Variants in CTNNA3 observed in about 807,000 individuals in gnomAD.
The protein encoded by CTNNA3 is catenin alpha-3.
CTNNA3 carries 76 observed loss-of-function variants against 95.7 expected under a neutral mutation model. The observed-to-expected ratio is 0.79, with a 90% confidence interval of 0.66 to 0.96. The LOEUF (loss-of-function observed/expected upper bound fraction) is 0.96, where lower values mean the gene tolerates loss of function less well. Ranked by LOEUF, CTNNA3 falls within the 40% of genes least tolerant of loss-of-function variation. CTNNA3 has a pLI of 0.00. For synonymous variants in CTNNA3, 431 were observed against 374.4 expected (o/e 1.15, Z -1.74); for missense variants, 1,191 against 1,089.8 (o/e 1.09, Z -1.31).
intron 7 of CTNNA3, chr10:66,928,372 A>T: frequency 6.2e-7 from 1 of 1,614,140 alleles, no homozygotes; most frequent in Non-Finnish European, 8.5e-7. Context: ...TTATAAACCC[A>T]CCAACACGGA....
At chr10:66,681,904 G>A (rs1164926638) in intron 9 of CTNNA3, among the ~76,000 whole-genome samples, 8 of 152,118 alleles carry the variant, frequency 5.3e-5, no homozygotes, top group Non-Finnish European at 1.0e-4. Flanking sequence ...ATTTATTGCT[G>A]GATGTTTGAT....
At chr10:66,181,163 T>A (rs1391859445) in intron 13 of CTNNA3, among the ~76,000 whole-genome samples, 4 of 152,218 alleles carry the variant, frequency 2.6e-5, no homozygotes, top group African/African-American at 9.6e-5. Flanking sequence ...GAGAAATTTA[T>A]ATTCATAAAC....
rs549612122 is a variant in CTNNA3, at chr10:66,798,324, T to C, written c.1048-22800A>G. Among the ~76,000 whole-genome samples, 6 of 151,952 alleles carry C rather than the reference T, an allele frequency of 3.9e-5. No homozygotes were observed. The South Asian group carries it at 6.2e-4, about 16-fold the overall frequency. On this transcript the variant is annotated intron_variant, in intron 7 of 17. Coordinates refer to ENST00000433211, the MANE Select transcript of CTNNA3 (RefSeq NM_013266.4). Reference sequence around the variant, plus strand: ...CTTGCAGTTAATATATTTAGAACTATTAACCTGTTTAGATTTATTAACTAT... The same window carrying C: ...CTTGCAGTTAATATATTTAGAACTACTAACCTGTTTAGATTTATTAACTAT...
In CTNNA3 at chr10:67,636,540, G is replaced by A. The variant is rs953725737; in HGVS notation, c.99+10875C>T. 5.9e-5 allele frequency among the ~76,000 whole-genome samples: 9 copies of A among 152,074 alleles called. 1 individual carries two copies. The highest frequency in any genetic ancestry group is 2.1e-4 in the South Asian group (1 of 4,818). ...ACAAACCTACAACCATCTGATCTTCGACAAACCTGACAAAAACAAGCAATG... is the reference window on the plus strand; with the variant it reads ...ACAAACCTACAACCATCTGATCTTCAACAAACCTGACAAAAACAAGCAATG... On this transcript the variant is annotated intron_variant, in intron 2 of 17. Transcript: ENST00000433211.
chr10:67,578,996 G>GAGAT (rs1842269423), intron 3 of CTNNA3, among the ~76,000 whole-genome samples: 2 of 87,358 alleles, frequency 2.3e-5, no homozygotes, highest in Non-Finnish European at 5.0e-5. Flanking sequence ...TGATCATAGT[G>GAGAT]ATATATATAT....
intron 5 of CTNNA3, among the ~76,000 whole-genome samples, chr10:67,224,540 G>T (rs1864804015): frequency 6.6e-6 from 1 of 152,194 alleles, no homozygotes; most frequent in African/African-American, 2.4e-5. Context: ...AATACTGTGA[G>T]TGCCCCAACT....
At chr10:66,093,622 A>G (rs1318693187) in intron 14 of CTNNA3, among the ~76,000 whole-genome samples, 2 of 152,128 alleles carry the variant, frequency 1.3e-5, no homozygotes, top group Non-Finnish European at 2.9e-5. Flanking sequence ...ATGGCCAGGA[A>G]TAAAATGGCG....
chr10:66,548,090 T>A (rs897987682), intron 10 of CTNNA3, among the ~76,000 whole-genome samples: 6 of 152,092 alleles, frequency 3.9e-5, no homozygotes, highest in Non-Finnish European at 5.9e-5. Context: ...TCCCATTTTG[T>A]ATTTTTAGTA....
intron 13 of CTNNA3, among the ~76,000 whole-genome samples, chr10:66,215,510 G>A (rs1365569717): frequency 1.3e-5 from 2 of 152,092 alleles, no homozygotes; most frequent in Non-Finnish European, 2.9e-5. Context: ...GGGAATTCTG[G>A]AAATCAAAAC....
At chr10:66,429,563 T>G (rs145527966) in intron 11 of CTNNA3, among the ~76,000 whole-genome samples, 1 of 152,290 alleles carries the variant, frequency 6.6e-6, no homozygotes, top group African/African-American at 2.4e-5. Context: ...CACGATCAAG[T>G]TGGCTTCATC....
chr10:66,502,085 T>C (rs1420071501), intron 11 of CTNNA3, among the ~76,000 whole-genome samples: 1 of 152,112 alleles, frequency 6.6e-6, no homozygotes, highest in South Asian at 2.1e-4. Flanking sequence ...CCAACAAAAC[T>C]GGAATGAAAA....
intron 5 of CTNNA3, among the ~76,000 whole-genome samples, chr10:67,498,479 TG>T (rs1212336442): frequency 6.6e-6 from 1 of 152,174 alleles, no homozygotes; most frequent in African/African-American, 2.4e-5. Flanking sequence ...GGAAAGTCAG[TG>T]GTAGCTTGAT....
chr10:66,510,844 T>C (rs143545327), intron 11 of CTNNA3, among the ~76,000 whole-genome samples: 2 of 151,890 alleles, frequency 1.3e-5, no homozygotes, highest in Admixed American at 1.3e-4. Flanking sequence ...TATTGGCCCA[T>C]AGTTTTCTTT....
rs185670780 is a variant in CTNNA3, at chr10:66,915,615, T to C, written c.1048-140091A>G. ...TACTAGGTACATAGCTAGAATTGGA[T>C]ATTGGAGCCAAGAAATGGAGTGCTG... On this transcript the variant is annotated intron_variant, in intron 7 of 17. Coordinates refer to ENST00000433211, the MANE Select transcript of CTNNA3 (RefSeq NM_013266.4). 3.1e-4 allele frequency among the ~76,000 whole-genome samples: 47 copies of C among 151,814 alleles called. No individual in the cohort carries two copies. In the South Asian group the frequency reaches 6.9e-3, roughly 22 times the overall value.
intron 1 of CTNNA3, among the ~76,000 whole-genome samples, chr10:67,676,819 T>TACCTAATTTACC (rs1840543995): frequency 6.6e-6 from 1 of 152,184 alleles, no homozygotes; most frequent in African/African-American, 2.4e-5. Flanking sequence ...CTTCAACGTT[T>TACCTAATTTACC]TAATTTACCA....
rs1283929822 is a variant in CTNNA3, at chr10:65,919,214, T to A, written c.*1116A>T. Reference sequence around the variant, plus strand: ...GGTACACTAGACTCTAAGACTATTATGAAGTCCATTATGAACTCAACTAGG... The same window carrying A: ...GGTACACTAGACTCTAAGACTATTAAGAAGTCCATTATGAACTCAACTAGG... On this transcript the variant is annotated 3_prime_UTR_variant, in exon 18 of 18. Transcript: ENST00000433211. 6.6e-6 allele frequency: 1 copy of A among 152,106 alleles called. No individual in the cohort carries two copies. The highest frequency in any genetic ancestry group is 1.5e-5 in the Non-Finnish European group (1 of 68,016). 9.4% of individuals were successfully genotyped at this position (152,106 alleles called of 1,614,324 possible).
chr10:67,621,274 G>A (rs769677035), intron 2 of CTNNA3, among the ~76,000 whole-genome samples: 1 of 151,990 alleles, frequency 6.6e-6, no homozygotes, highest in African/African-American at 2.4e-5. Context: ...ACAATAACAG[G>A]GATTTTCTGA....
At chr10:66,003,750 A>G (rs796387465) in intron 15 of CTNNA3, among the ~76,000 whole-genome samples, 5 of 152,218 alleles carry the variant, frequency 3.3e-5, no homozygotes, top group African/African-American at 9.6e-5. Flanking sequence ...TACTGAAAAC[A>G]TAACATAATA....
chr10:66,736,958 T>C (rs1376902026), intron 9 of CTNNA3, among the ~76,000 whole-genome samples: 1 of 152,194 alleles, frequency 6.6e-6, no homozygotes, highest in African/African-American at 2.4e-5. Context: ...TGAATTTAAT[T>C]TGGGATATAA....
Sources: allele counts gnomAD v4.1 joint callset (sites outside exome capture counted in the v4.1 genomes callset), GRCh38; gene constraint gnomAD v4.1.1; transcripts MANE v1.5; gene names NCBI Gene and HGNC (gene_info 2026-07-23, HGNC 2026-07-21).